Variants in MYO5C observed in about 807,000 individuals in gnomAD.
MYO5C encodes the protein unconventional myosin-Vc.
In MYO5C, 194 loss-of-function variants were observed where a neutral mutation model predicts 235.7. The ratio of observed to expected loss-of-function variants is 0.82; its 90% CI spans 0.73 to 0.93. The LOEUF is 0.93. Ranked by LOEUF, MYO5C falls within the 40% of genes least tolerant of loss-of-function variation. The pLI, the probability that MYO5C is intolerant of heterozygous loss-of-function variation, is 0.00. For missense variants in MYO5C, 2,038 were observed against 2,127.2 expected (o/e 0.96, Z 0.82); for synonymous variants, 707 against 754.8 (o/e 0.94, Z 1.04).
chr15:52,229,601 G>C (rs2035906265), intron 24 of MYO5C, among the ~76,000 whole-genome samples: 1 of 152,162 alleles, frequency 6.6e-6, no homozygotes, highest in Middle Eastern at 3.2e-3. Context: ...TTCAATCTGG[G>C]TGACAGAGTG....
chr15:52,200,405 T>C (rs745629758), intron 38 of MYO5C, among the ~76,000 whole-genome samples: 3 of 152,006 alleles, frequency 2.0e-5, no homozygotes, highest in Non-Finnish European at 2.9e-5. Context: ...CCGTCTCTAC[T>C]AAAAATGTAA....
rs201396260 is a variant in MYO5C at position 52,229,116 on chromosome 15, C to T, written c.3207+17G>A. ...GACGTAACCAGAGGGCGGGGCTGAA[C>T]GTGAGAGCCGCTCTACCTTGACCTG... is the stretch of plus-strand genomic sequence containing the variant. On this transcript the variant is annotated intron_variant, in intron 25 of 40. Transcript: ENST00000261839. 1.3e-5 allele frequency: 21 copies of T among 1,613,292 alleles called. No homozygotes were observed. Among genetic ancestry groups the T allele is most frequent in the Admixed American group, 5.0e-5 (3 of 59,898 alleles).
intron 38 of MYO5C, among the ~76,000 whole-genome samples, chr15:52,202,543 G>A (rs1313001301): frequency 2.6e-5 from 4 of 152,148 alleles, no homozygotes; most frequent in African/African-American, 9.7e-5. Flanking sequence ...CAGTCTTGGG[G>A]GATCCACTGA....
At chr15:52,227,209 TG>T (rs374033939) in intron 25 of MYO5C, among the ~76,000 whole-genome samples, 13,637 of 91,822 alleles carry the variant, frequency 0.15, 1,738 homozygotes, top group East Asian at 0.55. Flanking sequence ...TTTTTTTTTT[TG>T]TTGAGACGGA....
intron 10 of MYO5C, among the ~76,000 whole-genome samples, chr15:52,258,200 A>G (rs1043510784): frequency 3.9e-5 from 6 of 152,210 alleles, no homozygotes; most frequent in African/African-American, 1.4e-4. Context: ...GTGACTTAAA[A>G]TGCTAGAGGC....
At chr15:52,215,649 TTATAA>T (rs1355368394) in intron 32 of MYO5C, among the ~76,000 whole-genome samples, 1 of 152,218 alleles carries the variant, frequency 6.6e-6, no homozygotes, top group Non-Finnish European at 1.5e-5. Flanking sequence ...CAAGCCCATC[TTATAA>T]TATATCTAAT....
At chr15:52,285,990 GC>G (rs1460021919) in intron 1 of MYO5C, among the ~76,000 whole-genome samples, 1 of 152,018 alleles carries the variant, frequency 6.6e-6, no homozygotes, top group Admixed American at 6.5e-5. Flanking sequence ...GAAGTAAGGA[GC>G]GTCTCTGCCC....
intron 25 of MYO5C, among the ~76,000 whole-genome samples, chr15:52,228,717 G>T (rs1320804927): frequency 1.3e-5 from 2 of 152,120 alleles, no homozygotes; most frequent in Non-Finnish European, 2.9e-5. Flanking sequence ...ACCACACTGT[G>T]CATTGGATAA....
At chr15:52,255,993 G>A (rs1206116602) in intron 11 of MYO5C, among the ~76,000 whole-genome samples, 1 of 152,206 alleles carries the variant, frequency 6.6e-6, no homozygotes, top group Non-Finnish European at 1.5e-5. Flanking sequence ...TAAGGTTGGA[G>A]AAACTCATTC....
chr15:52,224,902 G>A lies in MYO5C; in HGVS notation c.3445C>T (p.Arg1149Cys), dbSNP rs201708880. 7.0e-5 allele frequency: 112 copies of A among 1,610,836 alleles called. No homozygotes were observed. The highest frequency in any genetic ancestry group is 2.2e-4 in the Admixed American group (13 of 59,594). Residue 1149 changes from arginine to cysteine, a missense_variant and splice_region_variant, in exon 28 of 41, where the codon CGT becomes TGT. By Grantham distance (180) the Arg-to-Cys change is radical. Coordinates refer to ENST00000261839, the MANE Select transcript of MYO5C (RefSeq NM_018728.4). ...AGATCCCTGAGGAGAATTTCTAACC[G>A]TGTTGCTTTCTTTAGTCCTTCATAA... is the stretch of plus-strand genomic sequence containing the variant. ...FAYEGLKKAT[R>C]VLESHFQSQK...
chr15:52,277,521 A>G (rs2037079331), intron 4 of MYO5C, among the ~76,000 whole-genome samples: 1 of 152,142 alleles, frequency 6.6e-6, no homozygotes, highest in African/African-American at 2.4e-5. Context: ...CCCAGTGGCC[A>G]GGCAGTGCCC....
At chr15:52,268,860 C>T (rs2036863245) in intron 8 of MYO5C, among the ~76,000 whole-genome samples, 1 of 152,342 alleles carries the variant, frequency 6.6e-6, no homozygotes, top group African/African-American at 2.4e-5. Flanking sequence ...CCCTGGAGTG[C>T]AAAAGCCAGT....
At chr15:52,287,742 C>G (rs986537405) in intron 1 of MYO5C, among the ~76,000 whole-genome samples, 1 of 152,022 alleles carries the variant, frequency 6.6e-6, no homozygotes, top group Non-Finnish European at 1.5e-5. Context: ...TTTGGGAGGC[C>G]GAGGTGGGTG....
chr15:52,293,736 G>C (rs2037442597), intron 1 of MYO5C, among the ~76,000 whole-genome samples: 1 of 152,060 alleles, frequency 6.6e-6, no homozygotes, highest in African/African-American at 2.4e-5. Flanking sequence ...GGAATGACCT[G>C]AGAATTCAGC....
intron 1 of MYO5C, among the ~76,000 whole-genome samples, chr15:52,288,712 G>C (rs57127532): frequency 2.0e-5 from 3 of 152,212 alleles, no homozygotes; most frequent in African/African-American, 7.2e-5. Context: ...GCTGTCAACT[G>C]ACCTCCAGAA....
intron 13 of MYO5C, among the ~76,000 whole-genome samples, chr15:52,250,595 A>G (rs534730210): frequency 6.6e-6 from 1 of 152,248 alleles, no homozygotes; most frequent in South Asian, 2.1e-4. Flanking sequence ...AAAGGTGATC[A>G]CAGCTTTCCA....
At chr15:52,221,564 C>T (rs780894746) in intron 29 of MYO5C, among the ~76,000 whole-genome samples, 18 of 152,116 alleles carry the variant, frequency 1.2e-4, no homozygotes, top group African/African-American at 1.9e-4. Context: ...TGGCAGCCAG[C>T]GTCTTTGGTC....
chr15:52,277,064 C>G (rs16964849), intron 4 of MYO5C: 82,370 of 468,498 alleles, frequency 0.18, 8,150 homozygotes, highest in African/African-American at 0.3. Context: ...TACAGAGCCC[C>G]GGTCCAATAT....
chr15:52,271,571 T>A (rs566442437), intron 7 of MYO5C, among the ~76,000 whole-genome samples, 192 bp downstream of exon 7: 119 of 150,656 alleles, frequency 7.9e-4, no homozygotes, highest in Admixed American at 2.2e-3. Context: ...AAGTGCCCCC[T>A]CTCTCTAAAC....
Sources: allele counts gnomAD v4.1 joint callset (sites outside exome capture counted in the v4.1 genomes callset), GRCh38; gene constraint gnomAD v4.1.1; transcripts MANE v1.5; gene names NCBI Gene and HGNC (gene_info 2026-07-23, HGNC 2026-07-21).